PRMT7: variants seen among roughly 807,000 people sequenced by gnomAD.
The protein encoded by PRMT7 is protein arginine methyltransferase 7, also known as protein arginine N-methyltransferase 7.
In PRMT7, 75 loss-of-function variants were observed where a neutral mutation model predicts 85.4. The ratio of observed to expected loss-of-function variants is 0.88; its 90% confidence interval spans 0.73 to 1.06. The LOEUF (loss-of-function observed/expected upper bound fraction) is 1.06, where lower values mean the gene tolerates loss of function less well. PRMT7 is among the 50% of genes least tolerant of loss of function. The pLI is 0.00. For missense variants in PRMT7, 868 were observed against 915.2 expected (o/e 0.95, Z 0.67); for synonymous variants, 397 against 359.5 (o/e 1.10, Z -1.18).
At chr16:68,358,775 G>A (rs947237141), downstream of PRMT7, 30 of 152,456 alleles carry the variant, frequency 2.0e-4, no homozygotes, top group African/African-American at 7.2e-4. Context: ...GGTGACCCGT[G>A]TGCCCACCCC....
In PRMT7 at chr16:68,332,542, G is replaced by A. The variant is rs559827704; in HGVS notation, c.391+3368G>A. Among the ~76,000 whole-genome samples the A allele has an allele frequency of 5.9e-5, 9 of 152,264 alleles. No homozygotes were observed. The South Asian group carries it at 1.5e-3, about 25-fold the overall frequency. On this transcript the variant is annotated intron_variant, in intron 6 of 18. Coordinates refer to ENST00000441236, the MANE Select transcript of PRMT7 (RefSeq NM_019023.5). ...TGTTTCCCAGGCCTCTGAGAGCTCC[G>A]GAGATTGTTATCACTCATGCAACCT...
At chr16:68,345,466 T>C (rs1179490753) in intron 9 of PRMT7, among the ~76,000 whole-genome samples, 2 of 152,238 alleles carry the variant, frequency 1.3e-5, no homozygotes, top group African/African-American at 4.8e-5. Context: ...GGCCACATTG[T>C]GTCTTCCTAA....
rs2044697934 is a variant in PRMT7, at chr16:68,316,002, C to T, written c.23C>T (p.Ala8Val). MKIFCSR[A>V]NPTTGSVEWL... Reference sequence around the variant, plus strand: ...ACCATGAAGATCTTCTGCAGTCGGGCCAATCCGACCACGGGGTCTGTGGAG... The same window carrying T: ...ACCATGAAGATCTTCTGCAGTCGGGTCAATCCGACCACGGGGTCTGTGGAG... The change falls in exon 3 of 19, where the codon GCC becomes GTC. Residue 8 changes from alanine to valine, a missense_variant. Physicochemically the swap from Ala to Val is moderately conservative, Grantham distance 64. Transcript: ENST00000441236. 1 of 1,613,682 alleles carries T rather than the reference C, an allele frequency of 6.2e-7. No homozygotes were observed. Among genetic ancestry groups the T allele is most frequent in the Admixed American group, 1.7e-5 (1 of 60,004 alleles).
rs147713014 is a variant in PRMT7, at chr16:68,328,320, C to T, written c.283-746C>T. The T allele has an allele frequency of 8.7e-3, 1,355 of 154,870 alleles. 11 individuals are homozygous for T. Among genetic ancestry groups the T allele is most frequent in the Admixed American group, 0.014 (215 of 15,458 alleles). The allele number at this position is 154,870 out of a possible 1,614,324, so 9.6% of individuals were successfully genotyped here. On this transcript the variant is annotated intron_variant, in intron 5 of 18. Transcript: ENST00000441236. ...AATTCCCTGTGGTATGTAAGCCCTG[C>T]GTCTGAGCCATAACAGTGTGGGGGC... is the stretch of plus-strand genomic sequence containing the variant.
intron 2 of PRMT7, among the ~76,000 whole-genome samples, chr16:68,312,409 A>C (rs779307815): frequency 1.7e-4 from 26 of 151,602 alleles, no homozygotes; most frequent in Non-Finnish European, 3.2e-4. Context: ...ATTTTTTTAA[A>C]AATTTTTTGT....
chr16:68,321,655 C>T (rs1442637228), intron 4 of PRMT7, 193 bp downstream of exon 4: 13 of 510,728 alleles, frequency 2.5e-5, no homozygotes, highest in Non-Finnish European at 3.2e-5. Context: ...CCAGCTTTAT[C>T]AAGATAGAAC....
chr16:68,354,609 G>C (rs1290607323), intron 16 of PRMT7: 1 of 152,286 alleles, frequency 6.6e-6, no homozygotes, highest in Non-Finnish European at 1.5e-5. Context: ...TTGACTGTTC[G>C]ATGCTTTTAG....
At chr16:68,356,967 C>T (rs2088669581) in intron 18 of PRMT7, 87 bp from the exon 19 acceptor site, 2 of 1,465,660 alleles carry the variant, frequency 1.4e-6, no homozygotes, top group Admixed American at 2.0e-5. Flanking sequence ...CTTCTCTCTG[C>T]TGCGAGCTGC....
intron 16 of PRMT7, among the ~76,000 whole-genome samples, chr16:68,354,155 A>T (rs1481818774): frequency 6.6e-6 from 1 of 152,098 alleles, no homozygotes; most frequent in African/African-American, 2.4e-5. Context: ...AGGCTGGTGG[A>T]TTGCTTGAGC....
intron 5 of PRMT7, among the ~76,000 whole-genome samples, chr16:68,327,719 A>G (rs1174173065): frequency 6.6e-6 from 1 of 152,142 alleles, no homozygotes; most frequent in Non-Finnish European, 1.5e-5. Context: ...TGGCTGAGAC[A>G]GGTGGAAACC....
Position 68,326,478 on chromosome 16 carries a change from T to G in PRMT7, c.282+1646T>G, listed in dbSNP as rs145989259. ...CCAGGCTGGTCTTGAATTCCTGATC[T>G]CAGGGGATCCCCCCACCTCAGCCTC... On this transcript the variant is annotated intron_variant, in intron 5 of 18. Coordinates refer to ENST00000441236, the MANE Select transcript of PRMT7 (RefSeq NM_019023.5). Among the ~76,000 whole-genome samples, 66 of 152,322 alleles carry G rather than the reference T, an allele frequency of 4.3e-4. No homozygotes were observed. In the East Asian group the frequency reaches 0.011, roughly 26 times the overall value.
intron 6 of PRMT7, among the ~76,000 whole-genome samples, chr16:68,333,504 A>G (rs899624458): frequency 1.3e-5 from 2 of 151,896 alleles, no homozygotes; most frequent in Non-Finnish European, 2.9e-5. Flanking sequence ...AAAGAAAAGA[A>G]AAGAAACTAG....
chr16:68,315,986 ATCT>A lies in PRMT7; in HGVS notation c.11_13del (p.Phe4del), dbSNP rs779333018. The A allele has an allele frequency of 6.8e-6, 11 of 1,613,458 alleles. No individual in the cohort carries two copies. Among genetic ancestry groups the A allele is most frequent in the African/African-American group, 4.0e-5 (3 of 74,928 alleles). ...TGGGGAGCTAGTGGGCACCATGAAG[ATCT>A]TCTGCAGTCGGGCCAATCCGACCAC... is the stretch of plus-strand genomic sequence containing the variant. On this transcript the variant is annotated inframe_deletion, in exon 3 of 19. Transcript: ENST00000441236.
chr16:68,341,862 T>C (rs1266117990), intron 9 of PRMT7, among the ~76,000 whole-genome samples: 1 of 152,202 alleles, frequency 6.6e-6, no homozygotes, highest in Non-Finnish European at 1.5e-5. Context: ...TCAGGGAAGG[T>C]TGCAGATCTT....
intron 4 of PRMT7, among the ~76,000 whole-genome samples, chr16:68,321,979 G>A (rs1206916920): frequency 6.7e-6 from 1 of 148,814 alleles, no homozygotes; most frequent in African/African-American, 2.5e-5. Context: ...ACAGAATCTC[G>A]CTCTGTCACT....
intron 9 of PRMT7, among the ~76,000 whole-genome samples, chr16:68,342,010 G>T (rs765426348): frequency 6.6e-6 from 1 of 152,148 alleles, no homozygotes. Flanking sequence ...GGGTGTGGTG[G>T]CTCACGCCTG....
intron 5 of PRMT7, among the ~76,000 whole-genome samples, chr16:68,326,951 G>A (rs1369813052): frequency 6.6e-6 from 1 of 152,182 alleles, no homozygotes; most frequent in Non-Finnish European, 1.5e-5. Context: ...TCAGGGTGGA[G>A]GCAAAGTGAT....
In PRMT7 at chr16:68,346,221, C is replaced by T. The variant is rs1264960200; in HGVS notation, c.1132C>T (p.Arg378Trp). ...GGCTCACCTGCTCTGGAACCGGCCT[C>T]GGTTTGGAGAGATCAATGACCAGGA... ...CQAHLLWNRP[R>W]FGEINDQDRT... The change falls in exon 11 of 19, where the codon CGG becomes TGG. Residue 378 changes from arginine to tryptophan, a missense_variant. Physicochemically the swap from Arg to Trp is moderately radical, Grantham distance 101. Transcript: ENST00000441236. 4.3e-6 allele frequency: 7 copies of T among 1,614,188 alleles called. No homozygotes were observed. Among genetic ancestry groups the T allele is most frequent in the East Asian group, 2.2e-5 (1 of 44,880 alleles).
At chr16:68,348,266 C>T in intron 13 of PRMT7, 76 bp from the exon 14 acceptor site, 1 of 1,263,756 alleles carries the variant, frequency 7.9e-7, no homozygotes, top group Non-Finnish European at 1.1e-6. Context: ...GAGAATGCAA[C>T]TTTGAGAGAT....
Sources: gnomAD v4.1 joint callset for allele counts (sites outside exome capture counted in the v4.1 genomes callset) on GRCh38, gnomAD v4.1.1 for gene constraint, MANE v1.5 for transcripts, NCBI Gene and HGNC (gene_info 2026-07-23, HGNC 2026-07-21) for gene names.